DTNB: variants seen among roughly 807,000 people sequenced by gnomAD.
DTNB encodes the protein dystrobrevin beta.
In DTNB, 63 loss-of-function variants were observed where a neutral mutation model predicts 90.7. The ratio of observed to expected loss-of-function variants is 0.69; its 90% CI spans 0.57 to 0.86. The LOEUF is 0.86. Among genes scored for constraint, DTNB ranks in the 40% least tolerant of loss-of-function variants. The pLI is 0.00. For missense variants in DTNB, 744 were observed against 807.1 expected (o/e 0.92, Z 0.95); for synonymous variants, 277 against 286.7 (o/e 0.97, Z 0.34).
rs1213822413 is a variant in DTNB, at chr2:25,629,011, T to C, written c.149-627A>G. On this transcript the variant is annotated intron_variant, in intron 3 of 20. Coordinates refer to ENST00000406818, the MANE Select transcript of DTNB (RefSeq NM_021907.5). ...CGCGGTAGCTGGGTCTACACTCTTC[T>C]TGAAAACGACAAAAATTCCTGGATG... Among the ~76,000 whole-genome samples the C allele has an allele frequency of 2.0e-5, 3 of 152,190 alleles. No individual in the cohort carries two copies. The South Asian group carries it at 6.2e-4, about 32-fold the overall frequency.
At chr2:25,536,082 G>A (rs867711330) in intron 8 of DTNB, among the ~76,000 whole-genome samples, 43 of 150,448 alleles carry the variant, frequency 2.9e-4, no homozygotes, top group African/African-American at 9.3e-4. Flanking sequence ...CGGCTGGGCC[G>A]AGGCGCTCCT....
intron 9 of DTNB, among the ~76,000 whole-genome samples, chr2:25,529,675 G>A (rs183632302): frequency 3.5e-4 from 53 of 152,168 alleles, no homozygotes; most frequent in African/African-American, 1.2e-3. Context: ...AATGATTTTC[G>A]GTAATCAATG....
At chr2:25,610,661 G>A (rs1573380728) in intron 4 of DTNB, among the ~76,000 whole-genome samples, 1 of 151,354 alleles carries the variant, frequency 6.6e-6, no homozygotes, top group Non-Finnish European at 1.5e-5. Context: ...AACATTACTA[G>A]CACCCAGAAG....
chr2:25,562,438 G>A (rs780148955), intron 8 of DTNB, among the ~76,000 whole-genome samples: 40 of 152,188 alleles, frequency 2.6e-4, no homozygotes, highest in Non-Finnish European at 4.3e-4. Flanking sequence ...TCTCAAGGGT[G>A]TATACCTAGG....
chr2:25,620,061 AT>A (rs765909814), intron 4 of DTNB, among the ~76,000 whole-genome samples: 2 of 152,088 alleles, frequency 1.3e-5, no homozygotes, highest in African/African-American at 2.4e-5. Flanking sequence ...TAAAAAAAAA[AT>A]CTGGGTTGAA....
At chr2:25,426,474 T>C (rs2051651835) in intron 15 of DTNB, 1 of 152,240 alleles carries the variant, frequency 6.6e-6, no homozygotes, top group Non-Finnish European at 1.5e-5. Context: ...TGTTTGACTG[T>C]TGTGAATAGT....
intron 10 of DTNB, among the ~76,000 whole-genome samples, chr2:25,479,095 ATAT>A (rs769042821): frequency 3.3e-5 from 5 of 152,222 alleles, no homozygotes; most frequent in Non-Finnish European, 5.9e-5. Context: ...AGGAGACATA[ATAT>A]TAATATACCA....
Position 25,636,452 on chromosome 2 carries a change from A to G in DTNB, c.148+2562T>C, listed in dbSNP as rs1469263761. 3.3e-5 allele frequency among the ~76,000 whole-genome samples: 5 copies of G among 152,080 alleles called. No homozygotes were observed. The East Asian group carries it at 9.6e-4, about 29-fold the overall frequency. The stretch of plus-strand genomic sequence containing the variant: ...CCACTAGCCTAGTCAGGCTCTCAAC[A>G]CTCCACACGTAGACTACTGTTTCCC... On this transcript the variant is annotated intron_variant, in intron 3 of 20. Coordinates refer to ENST00000406818, the MANE Select transcript of DTNB (RefSeq NM_021907.5).
intron 9 of DTNB, among the ~76,000 whole-genome samples, chr2:25,491,348 T>C (rs2067422644): frequency 1.3e-5 from 2 of 152,118 alleles, no homozygotes. Flanking sequence ...AAAGAAAACA[T>C]CTTAGACCAG....
At chr2:25,652,897 C>T in intron 1 of DTNB, 7 of 375,472 alleles carry the variant, frequency 1.9e-5, no homozygotes, top group Non-Finnish European at 2.4e-5. Context: ...CACTTGCTTA[C>T]TGTGCTAAAA....
chr2:25,552,209 G>C (rs2056409291), intron 8 of DTNB, among the ~76,000 whole-genome samples: 1 of 152,210 alleles, frequency 6.6e-6, no homozygotes, highest in Non-Finnish European at 1.5e-5. Flanking sequence ...CAGTTTTGTA[G>C]TCAAGACTTC....
Position 25,424,633 on chromosome 2 carries a change from G to A in DTNB, c.1554+2902C>T, listed in dbSNP as rs2050897382. On this transcript the variant is annotated intron_variant, in intron 15 of 20. Transcript: ENST00000406818. The surrounding 1 kb of genome is among the most constrained non-coding windows in gnomAD (Gnocchi z 4.1). ...ATATTTGAGAACATCTTTCTGAAAAGGGAGATGTGACACAGGGAAGAGGTG... is the reference window on the plus strand; with the variant it reads ...ATATTTGAGAACATCTTTCTGAAAAAGGAGATGTGACACAGGGAAGAGGTG... Among the ~76,000 whole-genome samples the A allele has an allele frequency of 6.6e-6, 1 of 152,006 alleles. No individual in the cohort carries two copies. The highest frequency in any genetic ancestry group is 2.1e-4 in the South Asian group (1 of 4,826).
chr2:25,640,877 G>A (rs2078145060), intron 2 of DTNB, among the ~76,000 whole-genome samples: 1 of 151,986 alleles, frequency 6.6e-6, no homozygotes, highest in Non-Finnish European at 1.5e-5. Context: ...GAGGTGGTGG[G>A]CGCCTGTAGT....
At chr2:25,452,776 T>C (rs916774409) in intron 11 of DTNB, among the ~76,000 whole-genome samples, 1 of 152,024 alleles carries the variant, frequency 6.6e-6, no homozygotes, top group Non-Finnish European at 1.5e-5. Flanking sequence ...TTTGGCTAAG[T>C]CTTTAAGCTT....
At chr2:25,395,407 T>C (rs1179570272) in intron 16 of DTNB, among the ~76,000 whole-genome samples, 3 of 151,962 alleles carry the variant, frequency 2.0e-5, no homozygotes, top group Non-Finnish European at 4.4e-5. Context: ...TAAAAGTTTA[T>C]GTATCACATA....
At chr2:25,504,698 A>G (rs2071912332) in intron 9 of DTNB, among the ~76,000 whole-genome samples, 1 of 152,266 alleles carries the variant, frequency 6.6e-6, no homozygotes, top group Admixed American at 6.5e-5. Context: ...ACTGAAAATT[A>G]TAAAACATCA....
chr2:25,475,234 G>A (rs1303441605), intron 10 of DTNB, among the ~76,000 whole-genome samples: 4 of 152,234 alleles, frequency 2.6e-5, no homozygotes, highest in Non-Finnish European at 4.4e-5. Flanking sequence ...GCTCTTGAAG[G>A]AAATTAAAAG....
chr2:25,520,296 C>T (rs1020177711), intron 9 of DTNB, among the ~76,000 whole-genome samples: 2 of 152,128 alleles, frequency 1.3e-5, no homozygotes, highest in Non-Finnish European at 2.9e-5. Context: ...TGTTTGAATC[C>T]GGGAGGTGGA....
chr2:25,657,719 TCAAA>T (rs886825296), intron 1 of DTNB, among the ~76,000 whole-genome samples: 6 of 151,922 alleles, frequency 3.9e-5, no homozygotes, highest in Admixed American at 6.6e-5. Flanking sequence ...AAACCCTGTC[TCAAA>T]CAAACAAACA....
Sources: gnomAD v4.1 joint callset for allele counts (sites outside exome capture counted in the v4.1 genomes callset) on GRCh38, gnomAD v4.1.1 for gene constraint, Gnocchi (gnomAD v3.1) non-coding constraint, MANE v1.5 for transcripts, NCBI Gene and HGNC (gene_info 2026-07-23, HGNC 2026-07-21) for gene names.